Variants in EPB41L4B observed in about 807,000 individuals in gnomAD.
EPB41L4B encodes the protein band 4.1-like protein 4B.
A neutral mutation model predicts 112.5 loss-of-function variants in EPB41L4B; 30 were observed. The observed-to-expected ratio is 0.27, with a 90% CI of 0.20 to 0.36. EPB41L4B has a LOEUF of 0.36. Among genes scored for constraint, EPB41L4B ranks in the 10% least tolerant of loss-of-function variants. The pLI, the probability that EPB41L4B is intolerant of heterozygous loss-of-function variation, is 1.00. For missense variants in EPB41L4B, 1,024 were observed against 1,133.3 expected (o/e 0.90, Z 1.38); for synonymous variants, 408 against 439.7 (o/e 0.93, Z 0.90).
intron 17 of EPB41L4B, among the ~76,000 whole-genome samples, chr9:109,209,359 T>TA (rs548489096): frequency 0.019 from 2,696 of 143,862 alleles, 76 homozygotes; most frequent in African/African-American, 0.064. Context: ...CTTGGACCAT[T>TA]AAAAAAAAAA....
intron 1 of EPB41L4B, among the ~76,000 whole-genome samples, chr9:109,280,141 G>T (rs1374607933): frequency 1.3e-5 from 2 of 152,160 alleles, no homozygotes; most frequent in African/African-American, 4.8e-5. Flanking sequence ...AGATAACCCT[G>T]TTAACTTTTG....
chr9:109,273,918 G>T (rs1288329720), intron 2 of EPB41L4B, among the ~76,000 whole-genome samples: 1 of 152,128 alleles, frequency 6.6e-6, no homozygotes, highest in Non-Finnish European at 1.5e-5. Context: ...ATCTGAGATG[G>T]CAAGAGCACC....
At chr9:109,180,327 C>T (rs969266901) in intron 24 of EPB41L4B, among the ~76,000 whole-genome samples, 1 of 152,218 alleles carries the variant, frequency 6.6e-6, no homozygotes, top group Non-Finnish European at 1.5e-5. Context: ...CCCTGAGTGT[C>T]TCACAGCACT....
intron 17 of EPB41L4B, among the ~76,000 whole-genome samples, chr9:109,209,431 C>T (rs981340279): frequency 2.6e-5 from 4 of 151,548 alleles, no homozygotes; most frequent in East Asian, 1.9e-4. Flanking sequence ...GAGGCCGGGG[C>T]GGGTGGATCA....
At chr9:109,306,635 C>A (rs76825022) in intron 1 of EPB41L4B, among the ~76,000 whole-genome samples, 3 of 96,826 alleles carry the variant, frequency 3.1e-5, no homozygotes, top group Admixed American at 1.0e-4. Flanking sequence ...AACAAACAAA[C>A]AAAAAAACAT....
chr9:109,201,456 A>AAAAAAAAAAG (rs1463273098), intron 19 of EPB41L4B, among the ~76,000 whole-genome samples: 10 of 78,984 alleles, frequency 1.3e-4, no homozygotes, highest in Admixed American at 2.4e-4. Context: ...TCTCAAAAAA[A>AAAAAAAAAAG]AAAAAAAAAG....
At chr9:109,266,657 A>G (rs536695334) in intron 4 of EPB41L4B, among the ~76,000 whole-genome samples, 1 of 152,256 alleles carries the variant, frequency 6.6e-6, no homozygotes, top group East Asian at 1.9e-4. Flanking sequence ...AGACATAGAC[A>G]TGGGCAAACA....
intron 1 of EPB41L4B, among the ~76,000 whole-genome samples, chr9:109,282,027 G>T (rs1239293892): frequency 6.6e-6 from 1 of 152,190 alleles, no homozygotes; most frequent in African/African-American, 2.4e-5. Context: ...ACAAAAGACA[G>T]TATAACTGTA....
At chr9:109,235,895 G>T (rs553707186) in intron 15 of EPB41L4B, among the ~76,000 whole-genome samples, 1 of 152,338 alleles carries the variant, frequency 6.6e-6, no homozygotes, top group South Asian at 2.1e-4. Context: ...GAGGTGTCCA[G>T]AAGAAATTGG....
intron 6 of EPB41L4B, among the ~76,000 whole-genome samples, chr9:109,262,467 G>A (rs1307280530): frequency 2.6e-5 from 4 of 151,656 alleles, no homozygotes; most frequent in African/African-American, 9.7e-5. Flanking sequence ...GTGTGTGTGT[G>A]TGTGTGTGTG....
chr9:109,199,711 C>G (rs1462790036), intron 20 of EPB41L4B, among the ~76,000 whole-genome samples: 1 of 152,160 alleles, frequency 6.6e-6, no homozygotes, highest in African/African-American at 2.4e-5. Flanking sequence ...GCGTAGGTTA[C>G]AAAAGACTGT....
intron 13 of EPB41L4B, among the ~76,000 whole-genome samples, chr9:109,248,291 C>A (rs1411331281): frequency 1.3e-5 from 2 of 152,192 alleles, no homozygotes; most frequent in African/African-American, 2.4e-5. Flanking sequence ...AAACCACTGT[C>A]AATAATCTGG....
intron 15 of EPB41L4B, chr9:109,240,469 T>C: frequency 2.0e-6 from 2 of 985,220 alleles, no homozygotes; most frequent in South Asian, 9.4e-5. Context: ...ATGGGCAAAA[T>C]TACAATTACA....
At chr9:109,301,488 C>G (rs1049176064) in intron 1 of EPB41L4B, among the ~76,000 whole-genome samples, 5 of 152,164 alleles carry the variant, frequency 3.3e-5, no homozygotes, top group Non-Finnish European at 7.3e-5. Flanking sequence ...CCAGAAAGTT[C>G]CTGGGAGTCC....
intron 16 of EPB41L4B, 107 bp downstream of exon 16, chr9:109,216,815 C>T: frequency 8.8e-7 from 1 of 1,137,772 alleles, no homozygotes; most frequent in Non-Finnish European, 1.3e-6. Context: ...AACATGACAA[C>T]CATTGTGTGC....
chr9:109,255,791 C>T lies in EPB41L4B; in HGVS notation c.982G>A (p.Val328Ile). ...AGGCCTACCTGATCATCATCCTCGA[C>T]CACCACGAGTGTCAATTTGCTCTTT... is the stretch of plus-strand genomic sequence containing the variant. Reference protein sequence around the residue: ...FKKSKLTLVVVEDDDQGREQE... With the variant: ...FKKSKLTLVVIEDDDQGREQE... The change falls in exon 10 of 26, where the codon GTC becomes ATC. Residue 328 changes from valine to isoleucine, a missense_variant. Coordinates refer to ENST00000374566, the MANE Select transcript of EPB41L4B (RefSeq NM_019114.5). 1.9e-6 allele frequency: 3 copies of T among 1,613,908 alleles called. No homozygotes were observed. The highest frequency in any genetic ancestry group is 2.5e-6 in the Non-Finnish European group (3 of 1,179,984).
rs912015748 is a variant in EPB41L4B at position 109,258,214 on chromosome 9, T to C, written c.715A>G (p.Met239Val). Residue 239 changes from methionine (M) to valine (V), a missense_variant, in exon 7 of 26, where the codon ATG (methionine) becomes GTG (valine). Physicochemically the swap from Met to Val is conservative, Grantham distance 21. Transcript: ENST00000374566. The part of the protein sequence containing the change: ...FRFIPNQTEA[M>V]EFDIFQRWKE... ...CATCTCTGGAAGATATCAAATTCCA[T>C]TGCTTCTGTCTGATTTGGAATGAAC... 11 of 1,613,878 alleles carry C rather than the reference T, an allele frequency of 6.8e-6. No homozygotes were observed. Among genetic ancestry groups the C allele is most frequent in the Non-Finnish European group, 8.5e-6 (10 of 1,179,848 alleles).
chr9:109,222,486 G>A lies in EPB41L4B; in HGVS notation c.1410-5341C>T, dbSNP rs575153393. On this transcript the variant is annotated intron_variant, in intron 15 of 25. Transcript: ENST00000374566. The stretch of plus-strand genomic sequence containing the variant: ...CTACAATGTAAATGACATTCACTAG[G>A]TTGCGCATCTTCCCTCTTCATAGAG... Among the ~76,000 whole-genome samples the A allele has an allele frequency of 6.6e-5, 10 of 152,314 alleles. 1 individual carries two copies. In the South Asian group the frequency reaches 2.1e-3, roughly 32 times the overall value.
rs999355829 is a variant in EPB41L4B at position 109,218,674 on chromosome 9, C to T, written c.1410-1529G>A. 3.3e-5 allele frequency among the ~76,000 whole-genome samples: 5 copies of T among 152,194 alleles called. No homozygotes were observed. The East Asian group carries it at 7.7e-4, about 24-fold the overall frequency. ...CTCTTTTCAGCCTCATCTCCTGCTA[C>T]ATCCTTCTACTTCCCACCCTAACTC... On this transcript the variant is annotated intron_variant, in intron 15 of 25. Coordinates refer to ENST00000374566, the MANE Select transcript of EPB41L4B (RefSeq NM_019114.5).
Sources: gnomAD v4.1 joint callset for allele counts (sites outside exome capture counted in the v4.1 genomes callset) on GRCh38, gnomAD v4.1.1 for gene constraint, MANE v1.5 for transcripts, NCBI Gene and HGNC (gene_info 2026-07-23, HGNC 2026-07-21) for gene names.